The following CREG2 variants were observed in gnomAD, a reference collection of about 807,000 sequenced individuals.
CREG2 encodes the protein cellular repressor of E1A stimulated genes 2.
In CREG2, 24 loss-of-function variants were observed where a neutral mutation model predicts 26.2. That is an observed-to-expected ratio of 0.92 (90% CI 0.66 to 1.29). CREG2 has a LOEUF of 1.29. CREG2 is among the 50% of genes most tolerant of loss of function. CREG2 has a pLI of 0.00. For missense variants in CREG2, 366 were observed against 398.6 expected (o/e 0.92, Z 0.70); for synonymous variants, 174 against 169.2 (o/e 1.03, Z -0.22).
rs10169836 is a variant in CREG2, at chr2:101,348,787, C to T, written c.*2136G>A. On this transcript the variant is annotated 3_prime_UTR_variant, in exon 4 of 4. Transcript: ENST00000324768. ...ATCTGTATGCATTTAATCTCTTTTT[C>T]TTGCCTTATTGCCATGTCTAGAACT... The T allele has an allele frequency of 1.7e-3, 261 of 151,594 alleles. 1 individual carries two copies. The highest frequency in any genetic ancestry group is 6.1e-3 in the African/African-American group (250 of 41,302). 9.4% of individuals were successfully genotyped at this position (151,594 alleles called of 1,614,324 possible).
Position 101,349,811 on chromosome 2 carries a change from T to C in CREG2, c.*1112A>G. ...TAGTCCTTCTTTTTTACAATCACTT[T>C]ACTGATTTTCCTGGTTCAATTTCTA... On this transcript the variant is annotated 3_prime_UTR_variant, in exon 4 of 4. Coordinates refer to ENST00000324768, the MANE Select transcript of CREG2 (RefSeq NM_153836.4). The C allele has an allele frequency of 6.6e-6, 1 of 152,218 alleles. No homozygotes were observed. Among genetic ancestry groups the C allele is most frequent in the Middle Eastern group, 3.2e-3 (1 of 316 alleles). 9.4% of individuals were successfully genotyped at this position (152,218 alleles called of 1,614,324 possible). A position where few individuals can be genotyped will look rare whatever the true frequency, so the allele number is the denominator to read the frequency against.
intron 2 of CREG2, among the ~76,000 whole-genome samples, chr2:101,367,424 A>G (rs1214565809): frequency 1.3e-5 from 2 of 152,182 alleles, no homozygotes; most frequent in Non-Finnish European, 2.9e-5. Context: ...GAGCCATTTT[A>G]ATTTCTATAT....
In CREG2 at chr2:101,387,317, G is replaced by A; in HGVS notation, c.141C>T (p.Asp47=). The change falls in exon 1 of 4, where the codon GAC becomes GAT. Residue 47 remains aspartate, a synonymous_variant. Transcript: ENST00000324768. The surrounding 1 kb of genome is among the most constrained non-coding windows in gnomAD (Gnocchi z 4.7). ...SVSWAVTNEV[D]EELDSASTEE... ...CAGTGGAGGCGCTGTCCAGCTCCTC[G>A]TCCACCTCGTTGGTGACGGCCCAAG... 2 of 1,493,398 alleles carry A rather than the reference G, an allele frequency of 1.3e-6. No individual in the cohort carries two copies. The highest frequency in any genetic ancestry group is 2.5e-5 in the South Asian group (2 of 78,548). 92.5% of individuals were successfully genotyped at this position (1,493,398 alleles called of 1,614,324 possible). A position where few individuals can be genotyped will look rare whatever the true frequency, so the allele number is the denominator to read the frequency against.
At chr2:101,355,667 A>T (rs1684446491) in intron 2 of CREG2, among the ~76,000 whole-genome samples, 1 of 134,830 alleles carries the variant, frequency 7.4e-6, no homozygotes, top group Admixed American at 7.4e-5. Flanking sequence ...GAGACGGGAA[A>T]GTTCCCTGAC....
At position 101,355,252 on chromosome 2, in the gene CREG2, C is replaced by A; in HGVS notation, c.725+1G>T. ...ATATAAATTTTAAAGCATTTACACACCTTGAAAACATGGCTTGCTTGGCAA... is the reference window on the plus strand; with the variant it reads ...ATATAAATTTTAAAGCATTTACACAACTTGAAAACATGGCTTGCTTGGCAA... On this transcript the variant is annotated splice_donor_variant, in intron 3 of 3. Coordinates refer to ENST00000324768, the MANE Select transcript of CREG2 (RefSeq NM_153836.4). LOFTEE classifies it high-confidence loss of function. The A allele has an allele frequency of 1.3e-6, 2 of 1,593,796 alleles. No individual in the cohort carries two copies. Among genetic ancestry groups the A allele is most frequent in the Non-Finnish European group, 1.7e-6 (2 of 1,161,588 alleles).
At chr2:101,367,978 C>T (rs941835764) in intron 2 of CREG2, among the ~76,000 whole-genome samples, 9 of 152,188 alleles carry the variant, frequency 5.9e-5, no homozygotes, top group African/African-American at 1.9e-4. Flanking sequence ...CAGACTTCTG[C>T]CCTCTAGACC....
chr2:101,355,773 G>A (rs1251305989), intron 2 of CREG2, among the ~76,000 whole-genome samples: 1 of 152,112 alleles, frequency 6.6e-6, no homozygotes. Context: ...AGGTGAGCAG[G>A]TTCAGGAGCT....
At chr2:101,371,910 C>T (rs543653796) in intron 2 of CREG2, among the ~76,000 whole-genome samples, 50 of 152,116 alleles carry the variant, frequency 3.3e-4, no homozygotes, top group Non-Finnish European at 6.2e-4. Flanking sequence ...GGTGAGGGAA[C>T]TCTAGTCCGT....
chr2:101,373,281 C>G (rs1455337669), intron 2 of CREG2, among the ~76,000 whole-genome samples: 1 of 152,136 alleles, frequency 6.6e-6, no homozygotes, highest in Non-Finnish European at 1.5e-5. Flanking sequence ...TGGAATATTA[C>G]TCAGCCATAA....
intron 2 of CREG2, among the ~76,000 whole-genome samples, chr2:101,379,990 T>C (rs1684847230): frequency 6.8e-6 from 1 of 147,950 alleles, no homozygotes. Flanking sequence ...TATCTATCTA[T>C]CTATCTATCT....
At chr2:101,372,122 G>A (rs1453743722) in intron 2 of CREG2, among the ~76,000 whole-genome samples, 1 of 152,104 alleles carries the variant, frequency 6.6e-6, no homozygotes, top group Non-Finnish European at 1.5e-5. Context: ...CCACGCTGTG[G>A]AACCCTACTC....
In CREG2 at chr2:101,350,786, C is replaced by T. The variant is rs114436875; in HGVS notation, c.*137G>A. ...TCTAGCATAGAGTTCCCTGTTCACC[C>T]TCTCTCATTCTGCTGCAGGGATGGC... On this transcript the variant is annotated 3_prime_UTR_variant, in exon 4 of 4. Transcript: ENST00000324768. 2.2e-3 allele frequency: 1,896 copies of T among 842,744 alleles called. 19 individuals are homozygous for T. In the African/African-American group the frequency reaches 0.028, roughly 12 times the overall value. 52.2% of individuals were successfully genotyped at this position (842,744 alleles called of 1,614,324 possible).
chr2:101,367,635 C>T (rs887595044), intron 2 of CREG2, among the ~76,000 whole-genome samples: 1 of 152,160 alleles, frequency 6.6e-6, no homozygotes, highest in Non-Finnish European at 1.5e-5. Flanking sequence ...AAGTCCTAAT[C>T]CCCGGAATGT....
At chr2:101,380,618 G>A (rs1684857402) in intron 2 of CREG2, among the ~76,000 whole-genome samples, 2 of 152,216 alleles carry the variant, frequency 1.3e-5, no homozygotes, top group South Asian at 4.1e-4. Flanking sequence ...AGGAATAGGA[G>A]CGCCCAGAAG....
chr2:101,378,321 A>T (rs937729254), intron 2 of CREG2, among the ~76,000 whole-genome samples: 2 of 152,248 alleles, frequency 1.3e-5, no homozygotes, highest in Non-Finnish European at 2.9e-5. Flanking sequence ...GAAACCCAGG[A>T]AATGCATATA....
At chr2:101,374,262 C>G (rs776715712) in intron 2 of CREG2, among the ~76,000 whole-genome samples, 1 of 152,172 alleles carries the variant, frequency 6.6e-6, no homozygotes, top group Non-Finnish European at 1.5e-5. Flanking sequence ...CCTGTAGTCC[C>G]GTCCAACGGG....
intron 1 of CREG2, among the ~76,000 whole-genome samples, chr2:101,386,288 A>C (rs1684965658): frequency 6.6e-6 from 1 of 152,198 alleles, no homozygotes; most frequent in Non-Finnish European, 1.5e-5. Flanking sequence ...GTAGGAAGTA[A>C]AGAGGAGTTC....
chr2:101,374,157 A>C (rs1378139125), intron 2 of CREG2, among the ~76,000 whole-genome samples: 1 of 152,234 alleles, frequency 6.6e-6, no homozygotes, highest in Non-Finnish European at 1.5e-5. Flanking sequence ...TGGGTGGATC[A>C]CTTGAGGCCC....
chr2:101,382,392 C>T (rs1489353248), intron 2 of CREG2: 3 of 715,498 alleles, frequency 4.2e-6, no homozygotes, highest in South Asian at 6.3e-5. Flanking sequence ...CGCCACTGCA[C>T]TCCAGTCTGG....
Sources: gnomAD v4.1 joint callset for allele counts (sites outside exome capture counted in the v4.1 genomes callset) on GRCh38, gnomAD v4.1.1 for gene constraint, Gnocchi (gnomAD v3.1) non-coding constraint, MANE v1.5 for transcripts, NCBI Gene and HGNC (gene_info 2026-07-23, HGNC 2026-07-21) for gene names.